The following ZCCHC14 variants were observed in gnomAD, a reference collection of about 807,000 sequenced individuals.
ZCCHC14 encodes zinc finger CCHC domain-containing protein 14.
In ZCCHC14, 16 loss-of-function variants were observed where a neutral mutation model predicts 85.0. That is an observed-to-expected ratio of 0.19 (90% CI 0.13 to 0.29). The LOEUF (loss-of-function observed/expected upper bound fraction) is 0.29, where lower values mean the gene tolerates loss of function less well. Among genes scored for constraint, ZCCHC14 ranks in the 10% least tolerant of loss-of-function variants. ZCCHC14 has a pLI of 1.00. For synonymous variants in ZCCHC14, 775 were observed against 630.7 expected, an observed-to-expected ratio of 1.23 and a Z score of -3.43; for missense variants, 1,303 against 1,443.5, an observed-to-expected ratio of 0.90 and a Z score of 1.58.
intron 8 of ZCCHC14, among the ~76,000 whole-genome samples, chr16:87,416,248 G>A (rs894682679): frequency 6.6e-6 from 1 of 152,000 alleles, no homozygotes; most frequent in Admixed American, 6.5e-5. Context: ...AACTTTGTCA[G>A]GTAGCAAGTG....
chr16:87,425,829 G>A (rs12920853), intron 3 of ZCCHC14, among the ~76,000 whole-genome samples: 77 of 152,268 alleles, frequency 5.1e-4, no homozygotes, highest in Non-Finnish European at 6.0e-4. Context: ...CCTCTGCACA[G>A]CTCTCACACC....
intron 10 of ZCCHC14, among the ~76,000 whole-genome samples, chr16:87,413,594 C>A (rs934682663): frequency 1.3e-5 from 2 of 151,910 alleles, no homozygotes; most frequent in Non-Finnish European, 2.9e-5. Flanking sequence ...CCCTCCTGAG[C>A]TACTGCTCCT....
chr16:87,420,704 A>G lies in ZCCHC14; in HGVS notation c.853T>C (p.Tyr285His), dbSNP rs78839939. The G allele has an allele frequency of 0.021, 33,898 of 1,612,852 alleles. 403 individuals are homozygous for G. The highest frequency in any genetic ancestry group is 0.025 in the Non-Finnish European group (28,932 of 1,179,352). Residue 285 changes from tyrosine to histidine, a missense_variant, in exon 5 of 13, where the codon TAT (tyrosine) becomes CAT (histidine). Tyr to His is a moderately conservative substitution (Grantham distance 83, BLOSUM62 2). Coordinates refer to ENST00000671377, the MANE Select transcript of ZCCHC14 (RefSeq NM_015144.3). This position sits in a 1 kb window ranked among gnomAD's most constrained non-coding sequence, Gnocchi z 5.0. ...AGTTTCTCCAAGTTCTCTTCAGGAT[A>G]GAGCTGACATAGCTGGAAGAGAGGA... is the stretch of plus-strand genomic sequence containing the variant. ...TEFISKLCQLYPEENLEKLIP... is the reference protein window; with the variant it reads ...TEFISKLCQLHPEENLEKLIP...
chr16:87,434,605 G>T (rs956248992), intron 2 of ZCCHC14, among the ~76,000 whole-genome samples: 1 of 152,188 alleles, frequency 6.6e-6, no homozygotes, highest in Admixed American at 6.5e-5. Context: ...AAGACCGCCT[G>T]GTCTCCTGCA....
intron 1 of ZCCHC14, among the ~76,000 whole-genome samples, chr16:87,479,090 T>C (rs1386491729): frequency 1.3e-5 from 2 of 152,130 alleles, no homozygotes; most frequent in Non-Finnish European, 2.9e-5. Context: ...CACTAGTTCC[T>C]ATATATACAT....
intron 3 of ZCCHC14, among the ~76,000 whole-genome samples, chr16:87,426,999 C>A (rs185804428): frequency 2.3e-4 from 35 of 152,334 alleles, no homozygotes; most frequent in African/African-American, 7.7e-4. Context: ...AAAAACCCGA[C>A]GGGACGCGGG....
intron 1 of ZCCHC14, among the ~76,000 whole-genome samples, chr16:87,477,861 G>A (rs9924961): frequency 0.18 from 23,178 of 131,592 alleles, 2,104 homozygotes; most frequent in East Asian, 0.44. Context: ...GCCCCTCACC[G>A]CACACACCTG....
intron 3 of ZCCHC14, among the ~76,000 whole-genome samples, chr16:87,431,762 C>T (rs908250596): frequency 2.0e-5 from 3 of 152,182 alleles, no homozygotes; most frequent in Admixed American, 6.5e-5. Context: ...GTGTCACACG[C>T]GACCACTGCA....
At position 87,407,200 on chromosome 16, in the gene ZCCHC14, G is replaced by C. The variant is rs1313497975; in HGVS notation, c.*3080C>G. ...GTCTGTGGTATAAACTAACTGTGCT[G>C]ACTTTGGGCAATAAAGGACCTAGAA... On this transcript the variant is annotated 3_prime_UTR_variant, in exon 13 of 13. Transcript: ENST00000671377. 1 of 152,176 alleles carries C rather than the reference G, an allele frequency of 6.6e-6. No homozygotes were observed. Among genetic ancestry groups the C allele is most frequent in the African/African-American group, 2.4e-5 (1 of 41,436 alleles). The allele number at this position is 152,176 out of a possible 1,614,324, so 9.4% of individuals were successfully genotyped here.
chr16:87,425,303 G>A (rs547148577), intron 3 of ZCCHC14, among the ~76,000 whole-genome samples: 47 of 152,260 alleles, frequency 3.1e-4, no homozygotes, highest in South Asian at 2.3e-3. Context: ...GAGGCCGGGC[G>A]CAGTGGCTCA....
intron 1 of ZCCHC14, among the ~76,000 whole-genome samples, chr16:87,463,915 G>T (rs1297251245): frequency 1.3e-5 from 2 of 152,142 alleles, no homozygotes; most frequent in Non-Finnish European, 1.5e-5. Context: ...GACCTCCTGG[G>T]CTCAAGTGAT....
At chr16:87,477,880 C>T (rs72806270) in intron 1 of ZCCHC14, among the ~76,000 whole-genome samples, 2 of 148,070 alleles carry the variant, frequency 1.4e-5, no homozygotes, top group South Asian at 4.4e-4. Flanking sequence ...TGGGGAACAC[C>T]GACACGCCCC....
Position 87,417,730 on chromosome 16 carries a change from T to G in ZCCHC14, c.1113A>C (p.Gly371=), listed in dbSNP as rs1408537237. 1.3e-6 allele frequency: 2 copies of G among 1,596,082 alleles called. No homozygotes were observed. Among genetic ancestry groups the G allele is most frequent in the Non-Finnish European group, 1.7e-6 (2 of 1,172,876 alleles). The change falls in exon 8 of 13, where the codon GGA becomes GGC. Residue 371 remains glycine, a synonymous_variant. Coordinates refer to ENST00000671377, the MANE Select transcript of ZCCHC14 (RefSeq NM_015144.3). ...TCTGCGAGGACGGGATACCAGCCACTCCACACACAGGCCTGTGGGACAGGG... is the reference window on the plus strand; with the variant it reads ...TCTGCGAGGACGGGATACCAGCCACGCCACACACAGGCCTGTGGGACAGGG... The part of the protein sequence containing the change: ...VMGVSGRPVC[G]VAGIPSSQSG...
intron 7 of ZCCHC14, among the ~76,000 whole-genome samples, chr16:87,418,491 C>T (rs576097853): frequency 5.6e-4 from 86 of 152,312 alleles, no homozygotes; most frequent in Admixed American, 2.6e-3. Context: ...TGCCGGCATA[C>T]GACTGCAGCT....
chr16:87,446,613 A>G (rs1910450883), intron 2 of ZCCHC14, among the ~76,000 whole-genome samples: 1 of 152,240 alleles, frequency 6.6e-6, no homozygotes, highest in Non-Finnish European at 1.5e-5. Flanking sequence ...TGCTGACAAC[A>G]AACTCTACCT....
At chr16:87,485,692 C>G (rs1912485844) in intron 1 of ZCCHC14, among the ~76,000 whole-genome samples, 1 of 151,216 alleles carries the variant, frequency 6.6e-6, no homozygotes, top group Admixed American at 6.6e-5. Flanking sequence ...CCTAGCATAA[C>G]AAAAATTTCT....
chr16:87,414,289 T>C, intron 10 of ZCCHC14, 125 bp downstream of exon 10: 10 of 1,300,664 alleles, frequency 7.7e-6, no homozygotes, highest in South Asian at 4.2e-5. Context: ...ACGGGCCCTC[T>C]CTGTGTACGA....
chr16:87,467,610 G>A (rs1911585870), intron 1 of ZCCHC14: 5 of 1,201,852 alleles, frequency 4.2e-6, no homozygotes, highest in Non-Finnish European at 6.2e-6. Flanking sequence ...ATCTGGAGAT[G>A]ACAACTTGAC....
chr16:87,463,528 C>T (rs1911372392), intron 1 of ZCCHC14, among the ~76,000 whole-genome samples: 1 of 152,068 alleles, frequency 6.6e-6, no homozygotes, highest in Non-Finnish European at 1.5e-5. Context: ...TTTTAAGAGA[C>T]GGAGTCTCAG....
Sources: gnomAD v4.1 joint callset for allele counts (sites outside exome capture counted in the v4.1 genomes callset) on GRCh38, gnomAD v4.1.1 for gene constraint, Gnocchi (gnomAD v3.1) non-coding constraint, MANE v1.5 for transcripts, NCBI Gene and HGNC (gene_info 2026-07-23, HGNC 2026-07-21) for gene names.